Variants in SLC2A9 observed in about 807,000 individuals in gnomAD.
SLC2A9 encodes solute carrier family 2 member 9, also known as solute carrier family 2, facilitated glucose transporter member 9.
In SLC2A9, 39 loss-of-function variants were observed where a neutral mutation model predicts 50.6. The ratio of observed to expected loss-of-function variants is 0.77; its 90% CI spans 0.60 to 1.01. The LOEUF is 1.01. Among genes scored for constraint, SLC2A9 ranks in the 50% least tolerant of loss-of-function variants. The pLI is 0.00. For synonymous variants in SLC2A9, 324 were observed against 276.9 expected (o/e 1.17, Z -1.69); for missense variants, 686 against 677.6 (o/e 1.01, Z -0.14).
chr4:9,772,831 T>TG (rs929172117), intron 1 of SLC2A9, among the ~76,000 whole-genome samples: 1 of 149,488 alleles, frequency 6.7e-6, no homozygotes, highest in East Asian at 1.9e-4. Context: ...TTTTATTTTT[T>TG]TTTTATTATA....
intron 1 of SLC2A9, among the ~76,000 whole-genome samples, chr4:10,032,202 G>A (rs1206609772): frequency 2.6e-5 from 4 of 152,150 alleles, no homozygotes; most frequent in Non-Finnish European, 5.9e-5. Context: ...ACTCTAGAAA[G>A]CAGTGTAAGG....
At chr4:9,922,532 G>T (rs1744126931) in intron 6 of SLC2A9, among the ~76,000 whole-genome samples, 1 of 152,054 alleles carries the variant, frequency 6.6e-6, no homozygotes, top group Non-Finnish European at 1.5e-5. Context: ...CCTTCCTATT[G>T]TATATATGTT....
chr4:9,997,726 T>C (rs1392701339), intron 2 of SLC2A9, among the ~76,000 whole-genome samples: 1 of 126,058 alleles, frequency 7.9e-6, no homozygotes, highest in African/African-American at 3.3e-5. Flanking sequence ...GGCACATACC[T>C]AACAAAAAAA....
At chr4:9,838,944 C>G (rs113957727) in intron 10 of SLC2A9, among the ~76,000 whole-genome samples, 27,850 of 152,112 alleles carry the variant, frequency 0.18, 2,635 homozygotes, top group Admixed American at 0.25. Context: ...TAGGCACAGG[C>G]AAAGATTTCA....
upstream of SLC2A9, chr4:10,025,901 G>C: frequency 6.2e-7 from 1 of 1,613,472 alleles, no homozygotes; most frequent in Non-Finnish European, 8.5e-7. Context: ...AAAAAGGACT[G>C]ACCAATTTCT....
intron 1 of SLC2A9, chr4:10,019,414 A>G: frequency 2.5e-6 from 1 of 395,282 alleles, no homozygotes; most frequent in Non-Finnish European, 4.7e-6. Context: ...CCCAGACAGA[A>G]AAAAGCAAAG....
In SLC2A9 at chr4:9,980,675, A is replaced by G; in HGVS notation, c.598T>C (p.Ser200Pro). ...SEISPKEIRG[S>P]LGQVTAIFIC... ...AAGATGGCAGTCACCTGCCCCAGAG[A>G]GCCACGGATCTCCTTGGGTGAGATC... The change falls in exon 5 of 12, where the codon TCT becomes CCT. Residue 200 changes from serine to proline, a missense_variant. Physicochemically the swap from Ser to Pro is moderately conservative, Grantham distance 74. Coordinates refer to ENST00000264784, the MANE Select transcript of SLC2A9 (RefSeq NM_020041.3). 1 of 1,614,154 alleles carries G rather than the reference A, an allele frequency of 6.2e-7. No individual in the cohort carries two copies. Among genetic ancestry groups the G allele is most frequent in the South Asian group, 1.1e-5 (1 of 91,086 alleles).
intron 10 of SLC2A9, among the ~76,000 whole-genome samples, chr4:9,849,564 A>G (rs979926765): frequency 6.6e-6 from 1 of 152,196 alleles, no homozygotes; most frequent in Admixed American, 6.5e-5. Context: ...AGTTGAATCA[A>G]TAGGCTTGAA....
At chr4:9,942,523 CAAG>C (rs1301776414) in intron 5 of SLC2A9, among the ~76,000 whole-genome samples, 1 of 152,214 alleles carries the variant, frequency 6.6e-6, no homozygotes, top group Admixed American at 6.5e-5. Context: ...AGTGAGGACA[CAAG>C]AAGGGCAGCT....
Position 9,931,985 on chromosome 4 carries a change from T to TAC in SLC2A9, c.814+9927_814+9928insGT, listed in dbSNP as rs1553879029. Among the ~76,000 whole-genome samples, 648 of 95,122 alleles carry TAC rather than the reference T, an allele frequency of 6.8e-3. 17 individuals are homozygous for TAC. The highest frequency in any genetic ancestry group is 9.2e-3 in the Non-Finnish European group (422 of 45,766). The allele number at this position is 95,122 out of a possible 152,430, so 62.4% of individuals were successfully genotyped here. ...CTCTATATATATATATATATATATATATATATATATATATGCCTTGCCTGA... is the reference window on the plus strand; with the variant it reads ...CTCTATATATATATATATATATATATACATATATATATATATGCCTTGCCTGA... On this transcript the variant is annotated intron_variant, in intron 6 of 11. Coordinates refer to ENST00000264784, the MANE Select transcript of SLC2A9 (RefSeq NM_020041.3).
At chr4:9,896,150 G>A (rs1738522505) in intron 8 of SLC2A9, among the ~76,000 whole-genome samples, 1 of 152,188 alleles carries the variant, frequency 6.6e-6, no homozygotes, top group South Asian at 2.1e-4. Context: ...GAGTTGGATG[G>A]GTAAAACCTT....
chr4:9,810,774 T>C (rs1191457023), intron 3 of SLC2A9, among the ~76,000 whole-genome samples: 2 of 152,224 alleles, frequency 1.3e-5, no homozygotes, highest in South Asian at 2.1e-4. Context: ...TATGCATTCA[T>C]TTCCAAAGGA....
At chr4:9,912,470 C>T (rs896140590) in intron 7 of SLC2A9, among the ~76,000 whole-genome samples, 2 of 152,068 alleles carry the variant, frequency 1.3e-5, no homozygotes, top group African/African-American at 4.8e-5. Context: ...CAAGTCCCTG[C>T]CCTTAATGCC....
chr4:9,962,445 T>C (rs1354469361), intron 5 of SLC2A9, among the ~76,000 whole-genome samples: 2 of 152,158 alleles, frequency 1.3e-5, no homozygotes, highest in Non-Finnish European at 2.9e-5. Context: ...GAAGCCATTA[T>C]CCTCAGCAAA....
intron 10 of SLC2A9, among the ~76,000 whole-genome samples, chr4:9,860,728 T>C (rs993746099): frequency 6.6e-6 from 1 of 152,256 alleles, no homozygotes; most frequent in Admixed American, 6.5e-5. Flanking sequence ...TCCAGTTTTC[T>C]GATGGAGCCC....
intron 3 of SLC2A9, among the ~76,000 whole-genome samples, chr4:9,987,676 C>T (rs552596525): frequency 2.0e-5 from 3 of 152,178 alleles, no homozygotes; most frequent in Admixed American, 2.0e-4. Flanking sequence ...TGCTATTATA[C>T]TCATTATATA....
intron 8 of SLC2A9, among the ~76,000 whole-genome samples, chr4:9,900,827 T>C (rs1253821036): frequency 1.3e-5 from 2 of 152,106 alleles, no homozygotes; most frequent in African/African-American, 4.8e-5. Context: ...AAGTCCCTTA[T>C]AAAACCATCA....
intron 3 of SLC2A9, among the ~76,000 whole-genome samples, chr4:9,784,700 G>A (rs1410653804): frequency 3.3e-5 from 5 of 152,206 alleles, no homozygotes; most frequent in Non-Finnish European, 7.3e-5. Flanking sequence ...GCCAAGGGGA[G>A]TGTTTTATTC....
chr4:9,930,468 G>A (rs1192997824), intron 6 of SLC2A9, among the ~76,000 whole-genome samples: 1 of 152,160 alleles, frequency 6.6e-6, no homozygotes, highest in East Asian at 1.9e-4. Flanking sequence ...GCTGTGATTG[G>A]TACGTGGCCA....
Sources: allele counts gnomAD v4.1 joint callset (sites outside exome capture counted in the v4.1 genomes callset), GRCh38; gene constraint gnomAD v4.1.1; transcripts MANE v1.5; gene names NCBI Gene and HGNC (gene_info 2026-07-23, HGNC 2026-07-21).